Variants in ACSS1 observed in about 807,000 individuals in gnomAD.
ACSS1 encodes acetyl-coenzyme A synthetase 2-like, mitochondrial.
ACSS1 carries 42 observed loss-of-function variants against 75.3 expected under a neutral mutation model. The ratio of observed to expected loss-of-function variants is 0.56; its 90% CI spans 0.44 to 0.72. ACSS1 has a LOEUF of 0.72. Among genes scored for constraint, ACSS1 ranks in the 30% least tolerant of loss-of-function variants. The pLI is 0.00. For missense variants in ACSS1, 782 were observed against 935.7 expected (o/e 0.84, Z 2.14); for synonymous variants, 380 against 376.8 (o/e 1.01, Z -0.10).
At chr20:25,008,982 C>T (rs2088360371) in intron 13 of ACSS1, among the ~76,000 whole-genome samples, 3 of 152,130 alleles carry the variant, frequency 2.0e-5, no homozygotes, top group Admixed American at 6.5e-5. Context: ...GACATGTGAG[C>T]TTACTGAGCA....
At chr20:25,017,502 C>A (rs979809188) in intron 7 of ACSS1, among the ~76,000 whole-genome samples, 6 of 152,246 alleles carry the variant, frequency 3.9e-5, no homozygotes, top group Non-Finnish European at 7.3e-5. Flanking sequence ...CCTGCCAACA[C>A]TGTATACCGA....
chr20:25,038,064 C>A (rs1268220152), intron 2 of ACSS1, among the ~76,000 whole-genome samples: 1 of 152,142 alleles, frequency 6.6e-6, no homozygotes, highest in Non-Finnish European at 1.5e-5. Flanking sequence ...ATGAATGGTC[C>A]CCTGGGCCAA....
intron 10 of ACSS1, 96 bp downstream of exon 10, chr20:25,013,440 T>C: frequency 6.8e-7 from 1 of 1,473,162 alleles, no homozygotes; most frequent in Non-Finnish European, 9.1e-7. Context: ...GCCACAGTGT[T>C]ACGCTGCACT....
chr20:25,037,849 G>T (rs2088939795), intron 2 of ACSS1, among the ~76,000 whole-genome samples: 1 of 152,188 alleles, frequency 6.6e-6, no homozygotes. Context: ...GCCTCCTCTG[G>T]CCCTGACATT....
chr20:25,013,965 T>A lies in ACSS1; in HGVS notation c.1448A>T (p.Glu483Val), dbSNP rs776378158. Residue 483 changes from glutamate to valine, a missense_variant, in exon 9 of 14, where the codon GAG becomes GTG. Transcript: ENST00000323482. ...GTGGGGGAGGCCCATACACACCTTC[T>A]CATCCATGAGGACGGGGACGATGCC... is the stretch of plus-strand genomic sequence containing the variant. Reference protein sequence around the residue: ...FFGIVPVLMDEKGSVVEGSNV... With the variant: ...FFGIVPVLMDVKGSVVEGSNV... 47 of 1,613,240 alleles carry A rather than the reference T, an allele frequency of 2.9e-5. No homozygotes were observed. The highest frequency in any genetic ancestry group is 3.2e-5 in the Non-Finnish European group (38 of 1,179,698).
chr20:25,024,088 C>T (rs544821096), intron 3 of ACSS1, among the ~76,000 whole-genome samples: 40 of 152,270 alleles, frequency 2.6e-4, no homozygotes, highest in African/African-American at 9.6e-4. Flanking sequence ...TCCCATGTGG[C>T]CAGGCCCTGT....
At position 25,006,951 on chromosome 20, in the gene ACSS1, T is replaced by C; in HGVS notation, c.*811A>G. On this transcript the variant is annotated 3_prime_UTR_variant, in exon 14 of 14. Coordinates refer to ENST00000323482, the MANE Select transcript of ACSS1 (RefSeq NM_032501.4). ...GTTGCCTCTCCTATCAAGAGGCATC[T>C]GGGGGCACAAAAATCTTTCTGGATC... 1 of 1,535,352 alleles carries C rather than the reference T, an allele frequency of 6.5e-7. No homozygotes were observed. The highest frequency in any genetic ancestry group is 8.7e-7 in the Non-Finnish European group (1 of 1,146,678).
chr20:25,025,345 G>A (rs2088697027), intron 3 of ACSS1, among the ~76,000 whole-genome samples: 3 of 152,320 alleles, frequency 2.0e-5, no homozygotes, highest in South Asian at 4.1e-4. Flanking sequence ...GCCCACTGGC[G>A]CCCTCCAAGG....
rs2088809628 is a variant in ACSS1, at chr20:25,030,796, G to A, written c.594C>T (p.Gly198=). 1 of 1,614,254 alleles carries A rather than the reference G, an allele frequency of 6.2e-7. No homozygotes were observed. Among genetic ancestry groups the A allele is most frequent in the Non-Finnish European group, 8.5e-7 (1 of 1,180,048 alleles). ...TCCCAGCCAAGGACTCTGCACTGAAGCCAGCAAAGATGACTGTGTGGACAG... is the reference window on the plus strand; with the variant it reads ...TCCCAGCCAAGGACTCTGCACTGAAACCAGCAAAGATGACTGTGTGGACAG... ...IGAVHTVIFA[G]FSAESLAGRI... Residue 198 remains glycine (G), a synonymous_variant, in exon 3 of 14, where the codon GGC becomes GGT. Transcript: ENST00000323482.
At chr20:25,025,110 G>A (rs2088693198) in intron 3 of ACSS1, among the ~76,000 whole-genome samples, 1 of 152,214 alleles carries the variant, frequency 6.6e-6, no homozygotes, top group Admixed American at 6.5e-5. Context: ...CAAGGGGACG[G>A]GAGACAAAGA....
intron 3 of ACSS1, among the ~76,000 whole-genome samples, chr20:25,023,983 G>T (rs2088671765): frequency 1.3e-5 from 2 of 152,162 alleles, no homozygotes; most frequent in Admixed American, 6.5e-5. Context: ...CCAGGAAAGA[G>T]GCCATCATGC....
intron 1 of ACSS1, among the ~76,000 whole-genome samples, chr20:25,054,048 A>G (rs1176766720): frequency 6.6e-6 from 1 of 152,252 alleles, no homozygotes; most frequent in Non-Finnish European, 1.5e-5. Context: ...TGGCTCTCCA[A>G]AGAACCTTCT....
intron 13 of ACSS1, 36 bp downstream of exon 13, chr20:25,009,234 G>T: frequency 1.3e-6 from 2 of 1,493,278 alleles, no homozygotes; most frequent in Non-Finnish European, 1.9e-6. Flanking sequence ...GGGAAGAACA[G>T]CAGCACAGCC....
intron 3 of ACSS1, among the ~76,000 whole-genome samples, chr20:25,029,492 CAT>C (rs751978843): frequency 1.2e-4 from 18 of 152,188 alleles, no homozygotes; most frequent in African/African-American, 3.9e-4. Flanking sequence ...GGAATTACCA[CAT>C]GAGTCAGCAA....
At chr20:25,054,623 G>A (rs552113446) in intron 1 of ACSS1, among the ~76,000 whole-genome samples, 1 of 152,364 alleles carries the variant, frequency 6.6e-6, no homozygotes, top group African/African-American at 2.4e-5. Flanking sequence ...GCCCCAGGAG[G>A]TGCTTTGGGC....
chr20:25,030,611 G>T lies in ACSS1; in HGVS notation c.631+148C>A, dbSNP rs912439178. 4 of 894,734 alleles carry T rather than the reference G, an allele frequency of 4.5e-6. No homozygotes were observed. The African/African-American group carries it at 6.8e-5, about 15-fold the overall frequency. 55.4% of individuals were successfully genotyped at this position (894,734 alleles called of 1,614,324 possible). On this transcript the variant is annotated intron_variant, in intron 3 of 13. Transcript: ENST00000323482. ...AGCCCACAGAACAAATTCTCATTCG[G>T]CCATGTGCCTGTCCCTAGTACGATC...
intron 1 of ACSS1, among the ~76,000 whole-genome samples, chr20:25,056,163 T>C (rs2089239355): frequency 6.6e-6 from 1 of 152,118 alleles, no homozygotes; most frequent in South Asian, 2.1e-4. Context: ...CCCCAGGAGG[T>C]CCGCCCCACT....
chr20:25,043,379 C>T lies in ACSS1; in HGVS notation c.431+4706G>A, dbSNP rs143819705. Reference sequence around the variant, plus strand: ...TCAGAGAGGTGGCCCCAGGCTCAGTCCCCACCCCACCACAGCTGGAGTGTG... The same window carrying T: ...TCAGAGAGGTGGCCCCAGGCTCAGTTCCCACCCCACCACAGCTGGAGTGTG... On this transcript the variant is annotated intron_variant, in intron 2 of 13. Coordinates refer to ENST00000323482, the MANE Select transcript of ACSS1 (RefSeq NM_032501.4). 1.6e-4 allele frequency among the ~76,000 whole-genome samples: 25 copies of T among 152,336 alleles called. No individual in the cohort carries two copies. The East Asian group carries it at 4.6e-3, about 28-fold the overall frequency.
chr20:25,037,541 G>A (rs553680633), intron 2 of ACSS1, among the ~76,000 whole-genome samples: 8 of 152,342 alleles, frequency 5.3e-5, no homozygotes, highest in African/African-American at 1.9e-4. Flanking sequence ...CTCAGGCTCA[G>A]TCACTTCTCT....
Sources: gnomAD v4.1 joint callset for allele counts (sites outside exome capture counted in the v4.1 genomes callset) on GRCh38, gnomAD v4.1.1 for gene constraint, MANE v1.5 for transcripts, NCBI Gene and HGNC (gene_info 2026-07-23, HGNC 2026-07-21) for gene names.